Variants in NAA25 observed in about 807,000 individuals in gnomAD.
NAA25 encodes the protein N-alpha-acetyltransferase 25, NatB auxiliary subunit.
A neutral mutation model predicts 132.5 loss-of-function variants in NAA25; 30 were observed. The observed-to-expected ratio is 0.23, with a 90% CI of 0.17 to 0.31. The LOEUF is 0.31. Among genes scored for constraint, NAA25 ranks in the 10% least tolerant of loss-of-function variants. The pLI, the probability that NAA25 is intolerant of heterozygous loss-of-function variation, is 1.00. For synonymous variants in NAA25, 359 were observed against 401.9 expected, an observed-to-expected ratio of 0.89 and a Z score of 1.28; for missense variants, 771 against 1,150.4, an observed-to-expected ratio of 0.67 and a Z score of 4.77.
intron 11 of NAA25, among the ~76,000 whole-genome samples, chr12:112,068,227 C>T (rs543059166): frequency 6.6e-6 from 1 of 151,960 alleles, no homozygotes; most frequent in African/African-American, 2.4e-5. Flanking sequence ...CAAAAAATGA[C>T]AAAATTATAA....
chr12:112,054,657 ACC>A, intron 13 of NAA25, 89 bp from the exon 14 acceptor site: 7 of 1,135,500 alleles, frequency 6.2e-6, no homozygotes, highest in Non-Finnish European at 6.1e-6. Context: ...TGACATCATC[ACC>A]CCCCCCAATA....
At chr12:112,041,629 A>G (rs2078302401) in intron 20 of NAA25, among the ~76,000 whole-genome samples, 1 of 152,112 alleles carries the variant, frequency 6.6e-6, no homozygotes, top group African/African-American at 2.4e-5. Context: ...TACCCTAACA[A>G]TTTGTCCCAA....
At chr12:112,097,880 G>T (rs996349875) in intron 1 of NAA25, among the ~76,000 whole-genome samples, 4 of 151,892 alleles carry the variant, frequency 2.6e-5, no homozygotes, top group African/African-American at 9.7e-5. Context: ...CACTTTGGGA[G>T]GCAGAGGCAG....
At chr12:112,062,259 G>C (rs932800112) in intron 11 of NAA25, among the ~76,000 whole-genome samples, 1 of 152,044 alleles carries the variant, frequency 6.6e-6, no homozygotes, top group African/African-American at 2.4e-5. Context: ...AAATTAGCCA[G>C]GCATGGTGGC....
chr12:112,082,787 G>A (rs1343215377), intron 4 of NAA25, among the ~76,000 whole-genome samples: 6 of 147,966 alleles, frequency 4.1e-5, no homozygotes, highest in Admixed American at 2.0e-4. Flanking sequence ...GGCAGGGGGC[G>A]GGGGGTGGGG....
At chr12:112,075,559 C>G in intron 8 of NAA25, 119 bp downstream of exon 8, 1 of 738,624 alleles carries the variant, frequency 1.4e-6, no homozygotes, top group Non-Finnish European at 2.2e-6. Context: ...ATGCAGGACA[C>G]AACTACTATA....
rs1382367819 is a variant in NAA25 at position 112,026,890 on chromosome 12, AT to A, written c.*2640del. ...AAGTTAAAATGAAAGACAAATCCAGATTGAACATAGTGATTGCAAAATATAA... is the reference window on the plus strand; with the variant it reads ...AAGTTAAAATGAAAGACAAATCCAGATGAACATAGTGATTGCAAAATATAA... On this transcript the variant is annotated 3_prime_UTR_variant, in exon 24 of 24. Coordinates refer to ENST00000261745, the MANE Select transcript of NAA25 (RefSeq NM_024953.4). 1 of 152,552 alleles carries A rather than the reference AT, an allele frequency of 6.6e-6. No individual in the cohort carries two copies. The highest frequency in any genetic ancestry group is 1.5e-5 in the Non-Finnish European group (1 of 68,012). 9.4% of individuals were successfully genotyped at this position (152,552 alleles called of 1,614,324 possible). A position where few individuals can be genotyped will look rare whatever the true frequency, so the allele number is the denominator to read the frequency against.
intron 17 of NAA25, among the ~76,000 whole-genome samples, chr12:112,046,643 A>G (rs946636879): frequency 2.6e-5 from 4 of 152,246 alleles, no homozygotes; most frequent in African/African-American, 9.6e-5. Flanking sequence ...GATACATATC[A>G]CTACAACTCC....
At chr12:112,105,449 G>A (rs1184597214) in intron 1 of NAA25, among the ~76,000 whole-genome samples, 1 of 152,166 alleles carries the variant, frequency 6.6e-6, no homozygotes, top group Admixed American at 6.5e-5. Flanking sequence ...GGTCATGGGT[G>A]GAGGTTTTCA....
At chr12:112,097,957 A>G (rs2079238582) in intron 1 of NAA25, among the ~76,000 whole-genome samples, 1 of 151,684 alleles carries the variant, frequency 6.6e-6, no homozygotes, top group Non-Finnish European at 1.5e-5. Flanking sequence ...GTCTCTACCA[A>G]AAAAAGTACA....
chr12:112,064,473 C>T (rs895853386), intron 11 of NAA25, among the ~76,000 whole-genome samples: 6 of 152,242 alleles, frequency 3.9e-5, no homozygotes, highest in Admixed American at 6.5e-5. Context: ...TCAAGTTGCC[C>T]GTCTCATCCT....
At chr12:112,038,700 C>G (rs148134364) in intron 22 of NAA25, among the ~76,000 whole-genome samples, 1 of 152,234 alleles carries the variant, frequency 6.6e-6, no homozygotes, top group Non-Finnish European at 1.5e-5. Context: ...CTAATGTTGG[C>G]CAGGTGCAGT....
intron 3 of NAA25, 45 bp from the exon 4 acceptor site, chr12:112,087,846 TC>T: frequency 8.0e-7 from 1 of 1,248,226 alleles, no homozygotes; most frequent in East Asian, 2.3e-5. Context: ...TCAAGAACAT[TC>T]TAATGGCATT....
chr12:112,048,199 T>G, intron 16 of NAA25, 93 bp downstream of exon 16: 7 of 1,282,428 alleles, frequency 5.5e-6, no homozygotes, highest in Non-Finnish European at 7.5e-6. Context: ...CTATTTTACC[T>G]TAAGCCTGCC....
intron 10 of NAA25, among the ~76,000 whole-genome samples, chr12:112,070,607 T>C (rs1363381512): frequency 6.6e-6 from 1 of 152,216 alleles, no homozygotes; most frequent in Admixed American, 6.6e-5. Flanking sequence ...AGTCTCGCTG[T>C]GTCACCCAGG....
In NAA25 at chr12:112,054,555, A is replaced by G; in HGVS notation, c.1461T>C (p.Thr487=). 6.2e-7 allele frequency: 1 copy of G among 1,613,744 alleles called. No homozygotes were observed. Among genetic ancestry groups the G allele is most frequent in the African/African-American group, 1.3e-5 (1 of 75,030 alleles). ...CCAGCAAAGTCAGGGCCTGCCACAC[A>G]GTGGTCTCATCACCTAGAACCAAAA... ...DVWRETGDET[T]VWQALTLLEE... is the part of the protein sequence containing the mutation. The change falls in exon 14 of 24, where the codon ACT becomes ACC. Residue 487 remains threonine, a synonymous_variant. Coordinates refer to ENST00000261745, the MANE Select transcript of NAA25 (RefSeq NM_024953.4).
chr12:112,091,703 CAA>C (rs77571529), intron 2 of NAA25, among the ~76,000 whole-genome samples: 12 of 118,238 alleles, frequency 1.0e-4, no homozygotes, highest in Admixed American at 9.0e-5. Flanking sequence ...ACCTTATCTC[CAA>C]AAAAAAAAAA....
chr12:112,071,763 G>T, intron 10 of NAA25, 132 bp downstream of exon 10: 3 of 591,368 alleles, frequency 5.1e-6, no homozygotes, highest in Non-Finnish European at 8.3e-6. Context: ...CCATTCATTA[G>T]CAAATATTTT....
In NAA25 at chr12:112,084,279, A is replaced by G. The variant is rs954813480; in HGVS notation, c.403-3145T>C. Among the ~76,000 whole-genome samples the G allele has an allele frequency of 2.0e-5, 3 of 152,200 alleles. No individual in the cohort carries two copies. In the East Asian group the frequency reaches 5.8e-4, roughly 29 times the overall value. On this transcript the variant is annotated intron_variant, in intron 4 of 23. Transcript: ENST00000261745. ...CCTCCTACCTCCACGAGTTTATACA[A>G]ATCATTTATTTGCTTAACAAATTAT...
Sources: allele counts gnomAD v4.1 joint callset (sites outside exome capture counted in the v4.1 genomes callset), GRCh38; gene constraint gnomAD v4.1.1; transcripts MANE v1.5; gene names NCBI Gene and HGNC (gene_info 2026-07-23, HGNC 2026-07-21).